The following SHLD2 variants were observed in gnomAD, a reference collection of about 807,000 sequenced individuals.
The protein encoded by SHLD2 is shieldin complex subunit 2.
A neutral mutation model predicts 73.2 loss-of-function variants in SHLD2; 30 were observed. The observed-to-expected ratio is 0.41, with a 90% CI of 0.31 to 0.56. SHLD2 has a LOEUF of 0.56. Ranked by LOEUF, SHLD2 falls within the 20% of genes least tolerant of loss-of-function variation. SHLD2 has a pLI of 0.28. For synonymous variants in SHLD2, 285 were observed against 370.1 expected, an observed-to-expected ratio of 0.77 and a Z score of 2.64; for missense variants, 745 against 1,055.9, an observed-to-expected ratio of 0.71 and a Z score of 4.08.
At chr10:87,146,298 T>C (rs913710726) in intron 2 of SHLD2, among the ~76,000 whole-genome samples, 4 of 152,034 alleles carry the variant, frequency 2.6e-5, no homozygotes, top group Non-Finnish European at 4.4e-5. Context: ...GAGTTCTTTT[T>C]GAGATTTTTT....
intron 7 of SHLD2, among the ~76,000 whole-genome samples, chr10:87,178,235 CAAAAAAA>C (rs71019476): frequency 1.3e-4 from 4 of 31,024 alleles, no homozygotes; most frequent in Non-Finnish European, 2.2e-4. Flanking sequence ...TACTCTGTCT[CAAAAAAA>C]AAAAAAAAAA....
In SHLD2 at chr10:87,164,186, A is replaced by G. The variant is rs577378029; in HGVS notation, c.1633+6031A>G. ...TTGGCCAGGCTGGTCTTGAACTCCT[A>G]ACCTCAGGTGATCTGCCCACTTTGG... On this transcript the variant is annotated intron_variant, in intron 4 of 9. Transcript: ENST00000298786. Among the ~76,000 whole-genome samples the G allele has an allele frequency of 4.0e-5, 6 of 151,890 alleles. No homozygotes were observed. In the South Asian group the frequency reaches 1.2e-3, roughly 32 times the overall value.
upstream of SHLD2, chr10:87,094,779 C>A: frequency 1.3e-6 from 2 of 1,532,320 alleles, no homozygotes; most frequent in Non-Finnish European, 1.8e-6. This position sits in a 1 kb window ranked among gnomAD's most constrained non-coding sequence, Gnocchi z 6.6. Flanking sequence ...TGGCCACAAG[C>A]GGAGGGGAGG....
chr10:87,156,276 G>A (rs533926537), intron 3 of SHLD2, among the ~76,000 whole-genome samples: 6 of 151,846 alleles, frequency 4.0e-5, no homozygotes, highest in African/African-American at 1.2e-4. Context: ...CATATTGGCC[G>A]GGCTGGTCTC....
chr10:87,121,050 CAA>C (rs930820906), intron 2 of SHLD2, among the ~76,000 whole-genome samples: 3 of 146,036 alleles, frequency 2.1e-5, no homozygotes, highest in African/African-American at 7.5e-5. Context: ...AACTCTGTCT[CAA>C]AAAAAAAAGA....
intron 2 of SHLD2, among the ~76,000 whole-genome samples, chr10:87,108,548 T>C (rs1842741983): frequency 6.6e-6 from 1 of 152,112 alleles, no homozygotes; most frequent in Non-Finnish European, 1.5e-5. Context: ...GAAGTGACTC[T>C]CCCACCCCGG....
intron 2 of SHLD2, among the ~76,000 whole-genome samples, chr10:87,135,091 G>A (rs1375691363): frequency 2.0e-5 from 3 of 151,902 alleles, no homozygotes; most frequent in Non-Finnish European, 4.4e-5. Flanking sequence ...TGCCAAGATA[G>A]TATAGAGAGT....
rs565031141 is a variant in SHLD2 at position 87,110,658 on chromosome 10, T to A, written c.-6+13669T>A. 3.3e-5 allele frequency among the ~76,000 whole-genome samples: 5 copies of A among 151,858 alleles called. No homozygotes were observed. The East Asian group carries it at 9.7e-4, about 29-fold the overall frequency. ...TCTCTTAAGCCTGTAGGTCTTATGA[T>A]TGAAATTCTTAGCTTTCAAGAATTA... On this transcript the variant is annotated intron_variant, in intron 2 of 9. Transcript: ENST00000298786.
intron 2 of SHLD2, among the ~76,000 whole-genome samples, chr10:87,123,150 G>A (rs1331332160): frequency 1.3e-5 from 2 of 152,094 alleles, no homozygotes; most frequent in East Asian, 3.9e-4. Context: ...TGACCTCAAG[G>A]CCTGCCTTGG....
chr10:87,108,375 G>T (rs943270173), intron 2 of SHLD2, among the ~76,000 whole-genome samples: 1 of 152,084 alleles, frequency 6.6e-6, no homozygotes, highest in Non-Finnish European at 1.5e-5. Context: ...TAGTGGAGAC[G>T]GGATTTTGCT....
chr10:87,127,535 C>CCCCG (rs943625059), intron 2 of SHLD2, among the ~76,000 whole-genome samples: 2 of 71,434 alleles, frequency 2.8e-5, no homozygotes, highest in Non-Finnish European at 5.5e-5. Flanking sequence ...ACCCGCCCCC[C>CCCCG]CCCACCCCGT....
chr10:87,143,266 C>T (rs1261135943), intron 2 of SHLD2, among the ~76,000 whole-genome samples: 2 of 152,056 alleles, frequency 1.3e-5, no homozygotes, highest in East Asian at 1.9e-4. Flanking sequence ...TGTTGCATGG[C>T]GTGGATGGGG....
At chr10:87,163,608 C>G (rs1188096876) in intron 4 of SHLD2, among the ~76,000 whole-genome samples, 2 of 149,776 alleles carry the variant, frequency 1.3e-5, no homozygotes, top group Non-Finnish European at 3.0e-5. Flanking sequence ...ATATGTTTCT[C>G]AAAGGGGAAT....
At position 87,097,749 on chromosome 10, in the gene SHLD2, T is replaced by G. The variant is rs548423815; in HGVS notation, c.-6+760T>G. On this transcript the variant is annotated intron_variant, in intron 2 of 9. Transcript: ENST00000298786. Reference sequence around the variant, plus strand: ...AAAACAGATGTTTTTATTTTTAAAATCATCATGGTTTTGTTTTGTTTTGTT... The same window carrying G: ...AAAACAGATGTTTTTATTTTTAAAAGCATCATGGTTTTGTTTTGTTTTGTT... Among the ~76,000 whole-genome samples the G allele has an allele frequency of 4.6e-5, 7 of 152,174 alleles. No homozygotes were observed. In the South Asian group the frequency reaches 1.2e-3, roughly 27 times the overall value.
At chr10:87,102,127 C>T (rs562590309) in intron 2 of SHLD2, among the ~76,000 whole-genome samples, 134 of 152,202 alleles carry the variant, frequency 8.8e-4, no homozygotes, top group Admixed American at 1.4e-3. Context: ...ACCATAATTA[C>T]TTTTACCAAT....
At position 87,152,491 on chromosome 10, in the gene SHLD2, C is replaced by G; in HGVS notation, c.1137C>G (p.Ser379Arg). Residue 379 changes from serine (S) to arginine (R), a missense_variant, in exon 3 of 10, where the codon AGC (serine) becomes AGG (arginine). By Grantham distance (110) the Ser-to-Arg change is moderately radical. Coordinates refer to ENST00000298786, the MANE Select transcript of SHLD2 (RefSeq NM_001330112.2). Reference protein sequence around the residue: ...NTFHKSAIKRSCTSEDKVGQS... With the variant: ...NTFHKSAIKRRCTSEDKVGQS... ...TCCACAAAAGTGCTATTAAAAGAAG[C>G]TGTACCTCTGAAGATAAAGTGGGCC... The G allele has an allele frequency of 1.2e-6, 2 of 1,611,834 alleles. No individual in the cohort carries two copies. The highest frequency in any genetic ancestry group is 1.3e-5 in the African/African-American group (1 of 74,896).
chr10:87,178,726 A>T (rs538765763), intron 7 of SHLD2, among the ~76,000 whole-genome samples: 32 of 152,306 alleles, frequency 2.1e-4, no homozygotes, highest in African/African-American at 6.0e-4. Context: ...AAACAAAAAA[A>T]AATAATAATA....
intron 2 of SHLD2, among the ~76,000 whole-genome samples, chr10:87,112,898 C>A (rs1234467019): frequency 6.6e-6 from 1 of 152,100 alleles, no homozygotes; most frequent in Non-Finnish European, 1.5e-5. Flanking sequence ...CAGTTCCATT[C>A]CTAGGTCATC....
rs1848235630 is a variant in SHLD2 at position 87,180,451 on chromosome 10, A to G, written c.2399+148A>G. On this transcript the variant is annotated intron_variant, in intron 8 of 9. Transcript: ENST00000298786. ...CCGAGTGATAGATAGCTATTTATGG[A>G]AGCAAAAATTACCCAGGAATCGTTA... 4 of 1,020,680 alleles carry G rather than the reference A, an allele frequency of 3.9e-6. No homozygotes were observed. The East Asian group carries it at 1.0e-4, about 27-fold the overall frequency. The allele number at this position is 1,020,680 out of a possible 1,614,324, so 63.2% of individuals were successfully genotyped here. A position where few individuals can be genotyped will look rare whatever the true frequency, so the allele number is the denominator to read the frequency against.
Sources: gnomAD v4.1 joint callset for allele counts (sites outside exome capture counted in the v4.1 genomes callset) on GRCh38, gnomAD v4.1.1 for gene constraint, Gnocchi (gnomAD v3.1) non-coding constraint, MANE v1.5 for transcripts, NCBI Gene and HGNC (gene_info 2026-07-23, HGNC 2026-07-21) for gene names.